Variants in SLC35G2 observed in about 807,000 individuals in gnomAD.
The protein encoded by SLC35G2 is solute carrier family 35 member G2, also known as transmembrane protein 22.
In SLC35G2, 20 loss-of-function variants were observed where a neutral mutation model predicts 27.2. The observed-to-expected ratio is 0.74, with a 90% CI of 0.52 to 1.07. The LOEUF (loss-of-function observed/expected upper bound fraction) is 1.07, where lower values mean the gene tolerates loss of function less well. SLC35G2 is among the 50% of genes least tolerant of loss of function. The pLI, the probability that SLC35G2 is intolerant of heterozygous loss-of-function variation, is 0.00. For missense variants in SLC35G2, 416 were observed against 493.3 expected (o/e 0.84, Z 1.48); for synonymous variants, 148 against 165.3 (o/e 0.90, Z 0.80).
chr3:136,855,322 C>T lies in SLC35G2; in HGVS notation c.862C>T (p.Leu288=). The change falls in exon 2 of 2, where the codon CTG becomes TTG. Residue 288 remains leucine, a synonymous_variant. Transcript: ENST00000446465. ...IKEKISMWTA[L]FTFGWTGTIW... ...GGAGAAGATCAGCATGTGGACTGCA[C>T]TGTTTACTTTTGGTTGGACTGGGAC... 6.2e-7 allele frequency: 1 copy of T among 1,614,176 alleles called. No homozygotes were observed. The highest frequency in any genetic ancestry group is 8.5e-7 in the Non-Finnish European group (1 of 1,180,016).
intron 1 of SLC35G2, among the ~76,000 whole-genome samples, chr3:136,852,860 GA>G (rs1485437577): frequency 6.6e-6 from 1 of 151,792 alleles, no homozygotes; most frequent in African/African-American, 2.4e-5. Context: ...TGAAAGGAAG[GA>G]AAGAAAGAAC....
At chr3:136,844,244 C>T (rs948019701) in intron 1 of SLC35G2, among the ~76,000 whole-genome samples, 1 of 151,896 alleles carries the variant, frequency 6.6e-6, no homozygotes, top group Non-Finnish European at 1.5e-5. Context: ...AATCCCAGCA[C>T]TTTGGGAGGC....
intron 1 of SLC35G2, among the ~76,000 whole-genome samples, chr3:136,845,895 T>TA (rs75968132): frequency 0.025 from 3,447 of 137,060 alleles, 120 homozygotes; most frequent in African/African-American, 0.077. Context: ...CACCCGGCCG[T>TA]AAAAAAAAAA....
At chr3:136,824,333 T>G (rs1470781239) in intron 1 of SLC35G2, among the ~76,000 whole-genome samples, 1 of 152,240 alleles carries the variant, frequency 6.6e-6, no homozygotes, top group Non-Finnish European at 1.5e-5. Flanking sequence ...TTTAACAATA[T>G]TGATTCTTCC....
At chr3:136,852,770 G>A (rs1241154934) in intron 1 of SLC35G2, among the ~76,000 whole-genome samples, 1 of 152,160 alleles carries the variant, frequency 6.6e-6, no homozygotes, top group Non-Finnish European at 1.5e-5. Flanking sequence ...TGGGATTACA[G>A]GCATGAGCCA....
chr3:136,825,241 CTT>C (rs71626025), intron 1 of SLC35G2, among the ~76,000 whole-genome samples: 3 of 135,058 alleles, frequency 2.2e-5, no homozygotes, highest in Non-Finnish European at 3.1e-5. Context: ...TCGTATATAA[CTT>C]TTTTTTTTTT....
intron 1 of SLC35G2, among the ~76,000 whole-genome samples, chr3:136,844,508 A>G (rs976633861): frequency 8.4e-5 from 12 of 143,220 alleles, no homozygotes; most frequent in African/African-American, 3.2e-4. Context: ...AAAAAACAAC[A>G]AATTTGTTGA....
At chr3:136,826,967 T>C (rs1936600254) in intron 1 of SLC35G2, among the ~76,000 whole-genome samples, 2 of 24,002 alleles carry the variant, frequency 8.3e-5, no homozygotes, top group South Asian at 2.2e-3. Context: ...TCTTCTCTCT[T>C]TTTTCTTTTT....
In SLC35G2 at chr3:136,855,287, G is replaced by A. The variant is rs746668257; in HGVS notation, c.827G>A (p.Arg276Lys). Residue 276 changes from arginine (R) to lysine (K), a missense_variant, in exon 2 of 2, where the codon AGA becomes AAA. Physicochemically the swap from Arg to Lys is conservative, Grantham distance 26. Transcript: ENST00000446465. ...LTTALSMIVY[R>K]SIKEKISMWT... ...ACTGCTCTCTCAATGATAGTATACAGATCCATCAAGGAGAAGATCAGCATG... is the reference window on the plus strand; with the variant it reads ...ACTGCTCTCTCAATGATAGTATACAAATCCATCAAGGAGAAGATCAGCATG... 1.2e-6 allele frequency: 2 copies of A among 1,614,196 alleles called. No homozygotes were observed. Among genetic ancestry groups the A allele is most frequent in the East Asian group, 2.2e-5 (1 of 44,884 alleles).
intron 1 of SLC35G2, among the ~76,000 whole-genome samples, chr3:136,845,845 C>T (rs976254173): frequency 3.3e-5 from 5 of 151,372 alleles, no homozygotes; most frequent in African/African-American, 7.3e-5. Context: ...CTGCCCGCCT[C>T]GGCCTCCCAA....
At chr3:136,851,496 C>CAAAA (rs11427657) in intron 1 of SLC35G2, among the ~76,000 whole-genome samples, 1,499 of 66,322 alleles carry the variant, frequency 0.023, 237 homozygotes, top group East Asian at 0.032. Context: ...GACTCCGTCT[C>CAAAA]AAAAAAAAAA....
At chr3:136,852,432 C>T (rs111352627) in intron 1 of SLC35G2, among the ~76,000 whole-genome samples, 12 of 150,966 alleles carry the variant, frequency 7.9e-5, no homozygotes, top group Non-Finnish European at 1.5e-4. Context: ...ATCCTGGAAC[C>T]GATGAGTTTT....
chr3:136,835,307 C>CTTTTTTTTTTTTTTTTTT (rs59937564), intron 1 of SLC35G2, among the ~76,000 whole-genome samples: 1 of 113,200 alleles, frequency 8.8e-6, no homozygotes. Context: ...AGGCCTTTTT[C>CTTTTTTTTTTTTTTTTTT]TTTTTTTTTT....
At chr3:136,839,110 CTGCT>C (rs1936988274) in intron 1 of SLC35G2, 1 of 89,916 alleles carries the variant, frequency 1.1e-5, no homozygotes, top group South Asian at 4.5e-4. Flanking sequence ...GAAGGTGATT[CTGCT>C]TTTTTTTTTT....
intron 1 of SLC35G2, chr3:136,837,443 T>C (rs767669095): frequency 3.3e-5 from 5 of 152,178 alleles, no homozygotes; most frequent in African/African-American, 7.2e-5. Context: ...TATATACATA[T>C]ATGAAAAACA....
At chr3:136,845,875 T>G (rs1002504270) in intron 1 of SLC35G2, among the ~76,000 whole-genome samples, 1 of 149,344 alleles carries the variant, frequency 6.7e-6, no homozygotes, top group South Asian at 2.1e-4. Context: ...ATGACGGGCG[T>G]GAGCCACCGC....
intron 1 of SLC35G2, among the ~76,000 whole-genome samples, chr3:136,851,200 G>A (rs1937613373): frequency 6.6e-6 from 1 of 151,114 alleles, no homozygotes; most frequent in Non-Finnish European, 1.5e-5. Flanking sequence ...GGCCTTTAAA[G>A]ATGAACAATG....
intron 1 of SLC35G2, among the ~76,000 whole-genome samples, chr3:136,834,156 C>T (rs1216219859): frequency 1.3e-5 from 2 of 151,790 alleles, no homozygotes; most frequent in African/African-American, 4.8e-5. Flanking sequence ...ATGTCTTTTG[C>T]TTGGGGACAC....
At chr3:136,852,503 T>C (rs1011207370) in intron 1 of SLC35G2, among the ~76,000 whole-genome samples, 3 of 151,660 alleles carry the variant, frequency 2.0e-5, no homozygotes, top group Non-Finnish European at 4.4e-5. Flanking sequence ...TTTTCTTTTT[T>C]TTTTTTTGAG....
Sources: allele counts gnomAD v4.1 joint callset (sites outside exome capture counted in the v4.1 genomes callset), GRCh38; gene constraint gnomAD v4.1.1; transcripts MANE v1.5; gene names NCBI Gene and HGNC (gene_info 2026-07-23, HGNC 2026-07-21).